Variants in PHC3 observed in about 807,000 individuals in gnomAD.
The protein encoded by PHC3 is polyhomeotic-like protein 3.
Under a neutral mutation model 107.4 loss-of-function variants are expected in PHC3, and 13 were observed. That is an observed-to-expected ratio of 0.12 (90% CI 0.08 to 0.19). The LOEUF (loss-of-function observed/expected upper bound fraction) is 0.19, where lower values mean the gene tolerates loss of function less well. PHC3 is among the 10% of genes least tolerant of loss of function. The pLI is 1.00. For synonymous variants in PHC3, 456 were observed against 427.4 expected (o/e 1.07, Z -0.83); for missense variants, 992 against 1,210.9 (o/e 0.82, Z 2.68).
At chr3:170,171,349 G>GA (rs762988811) in intron 4 of PHC3, 24 bp downstream of exon 4, 380 of 1,508,686 alleles carry the variant, frequency 2.5e-4, no homozygotes, top group Admixed American at 6.4e-4. Context: ...TTAAATCCAG[G>GA]AAAAAAAAAT....
chr3:170,167,349 G>T (rs1301342156), intron 4 of PHC3, among the ~76,000 whole-genome samples: 1 of 152,130 alleles, frequency 6.6e-6, no homozygotes, highest in Non-Finnish European at 1.5e-5. Context: ...GTAGAGATGG[G>T]GTTTCATTCG....
At chr3:170,119,965 A>G (rs139869379) in intron 9 of PHC3, among the ~76,000 whole-genome samples, 1 of 152,336 alleles carries the variant, frequency 6.6e-6, no homozygotes, top group Non-Finnish European at 1.5e-5. Flanking sequence ...TGTGCTTGTC[A>G]GGATCTCAGA....
rs1715683562 is a variant in PHC3, at chr3:170,102,576, C to T, written c.2736G>A (p.Arg912=). 1 of 1,613,906 alleles carries T rather than the reference C, an allele frequency of 6.2e-7. No individual in the cohort carries two copies. The highest frequency in any genetic ancestry group is 8.5e-7 in the Non-Finnish European group (1 of 1,179,834). ...RERELRDVRI[R]KMPENSDLLP... is the part of the protein sequence containing the mutation. ...GCAAGTCACTGTTCTCAGGCATTTT[C>T]CGAATTCTCACATCCCGAAGCTCAC... The change falls in exon 14 of 15, where the codon CGG becomes CGA. Residue 912 remains arginine (R), a synonymous_variant. Coordinates refer to ENST00000495893, the MANE Select transcript of PHC3 (RefSeq NM_024947.4).
rs1716632008 is a variant in PHC3 at position 170,106,852 on chromosome 3, G to A, written c.2448C>T (p.Cys816=). ...AATACCTTTTGGCACATGACATAGTGCAGAATCGTTTTGACCGCAAAAATT... is the reference window on the plus strand; with the variant it reads ...AATACCTTTTGGCACATGACATAGTACAGAATCGTTTTGACCGCAAAAATT... The part of the protein sequence containing the change: ...ANEFLRSKRF[C]TMSCAKRYNV... Residue 816 remains cysteine (C), a synonymous_variant, in exon 12 of 15, where the codon TGC becomes TGT. Coordinates refer to ENST00000495893, the MANE Select transcript of PHC3 (RefSeq NM_024947.4). The A allele has an allele frequency of 6.2e-6, 10 of 1,611,602 alleles. No homozygotes were observed. The highest frequency in any genetic ancestry group is 8.5e-6 in the Non-Finnish European group (10 of 1,179,036).
At chr3:170,153,577 C>A (rs1486778641) in intron 4 of PHC3, among the ~76,000 whole-genome samples, 3 of 152,062 alleles carry the variant, frequency 2.0e-5, no homozygotes, top group South Asian at 2.1e-4. Context: ...TCCTGGATAA[C>A]ACGGTGAAAC....
chr3:170,156,472 G>A (rs938264200), intron 4 of PHC3, among the ~76,000 whole-genome samples: 1 of 151,858 alleles, frequency 6.6e-6, no homozygotes, highest in Non-Finnish European at 1.5e-5. Flanking sequence ...GCCAGGTCTC[G>A]AACTCCTGAC....
At position 170,128,781 on chromosome 3, in the gene PHC3, T is replaced by G. The variant is rs752249840; in HGVS notation, c.1691A>C (p.Glu564Ala). 3 of 1,613,974 alleles carry G rather than the reference T, an allele frequency of 1.9e-6. No individual in the cohort carries two copies. The highest frequency in any genetic ancestry group is 2.5e-6 in the Non-Finnish European group (3 of 1,179,886). The change falls in exon 8 of 15, where the codon GAA (glutamate) becomes GCA (alanine). Residue 564 changes from glutamate (E) to alanine (A), a missense_variant. This residue lies in a region of PHC3 where 543 missense variants were observed against 590.8 expected (regional missense o/e 0.92). Coordinates refer to ENST00000495893, the MANE Select transcript of PHC3 (RefSeq NM_024947.4). ...CTGAAATGGCAACTGGACCAAAGCT[T>G]CTGCAGCTGGAAGTTCCTCTTCTGA... ...LVSEEELPAA[E>A]ALVQLPFQTL... is the part of the protein sequence containing the mutation.
intron 12 of PHC3, among the ~76,000 whole-genome samples, chr3:170,104,380 T>C (rs1273584774): frequency 6.6e-6 from 1 of 152,154 alleles, no homozygotes; most frequent in African/African-American, 2.4e-5. Context: ...TATGCAAAGC[T>C]AGGAAAAATA....
chr3:170,095,141 A>C lies in PHC3; in HGVS notation c.*2089T>G, dbSNP rs974281630. The stretch of plus-strand genomic sequence containing the variant: ...CCTGTATTTGTGTTCTGAAATTCCA[A>C]GAAGAGGGAAAAGTCAAGCATATGA... On this transcript the variant is annotated 3_prime_UTR_variant, in exon 15 of 15. Transcript: ENST00000495893. 4.6e-5 allele frequency: 7 copies of C among 152,128 alleles called. No homozygotes were observed. The highest frequency in any genetic ancestry group is 4.6e-4 in the Admixed American group (7 of 15,262). The allele number at this position is 152,128 out of a possible 1,614,324, so 9.4% of individuals were successfully genotyped here.
At chr3:170,128,414 A>G (rs1721699368) in intron 8 of PHC3, 1 of 1,335,002 alleles carries the variant, frequency 7.5e-7, no homozygotes, top group Non-Finnish European at 9.7e-7. Context: ...CAACTCTGTA[A>G]AGATAGCAGA....
At chr3:170,107,556 C>A (rs2108301000) in intron 11 of PHC3, among the ~76,000 whole-genome samples, 1 of 152,212 alleles carries the variant, frequency 6.6e-6, no homozygotes, top group East Asian at 1.9e-4. Flanking sequence ...CCAGTGTGGG[C>A]AGCATAGCAA....
intron 12 of PHC3, among the ~76,000 whole-genome samples, chr3:170,105,775 A>C (rs1003897442): frequency 4.6e-5 from 7 of 152,224 alleles, no homozygotes; most frequent in African/African-American, 1.7e-4. Context: ...CAATTTCAAA[A>C]TAGTGTGCAC....
At chr3:170,181,238 G>A (rs1238862458) in intron 1 of PHC3, among the ~76,000 whole-genome samples, 2 of 152,208 alleles carry the variant, frequency 1.3e-5, no homozygotes, top group South Asian at 2.1e-4. Context: ...TCCCGCTGAG[G>A]AGGAGTGGGG....
intron 2 of PHC3, among the ~76,000 whole-genome samples, chr3:170,176,024 G>C (rs971387994): frequency 3.3e-5 from 5 of 151,482 alleles, no homozygotes; most frequent in African/African-American, 1.2e-4. Flanking sequence ...TCAGGAGTTT[G>C]AGACCGGCCT....
At chr3:170,164,576 TTA>T (rs1434564428) in intron 4 of PHC3, among the ~76,000 whole-genome samples, 5 of 152,088 alleles carry the variant, frequency 3.3e-5, no homozygotes, top group Non-Finnish European at 7.3e-5. Flanking sequence ...CTAAAAACTC[TTA>T]TGTTACATAT....
chr3:170,122,329 T>C (rs1246759821), intron 9 of PHC3, among the ~76,000 whole-genome samples: 1 of 151,794 alleles, frequency 6.6e-6, no homozygotes, highest in Non-Finnish European at 1.5e-5. Flanking sequence ...ACAGGCTGGG[T>C]GCAATGGCTC....
chr3:170,158,645 G>A (rs1417844583), intron 4 of PHC3, among the ~76,000 whole-genome samples: 2 of 151,530 alleles, frequency 1.3e-5, no homozygotes, highest in African/African-American at 4.8e-5. Context: ...AAACCTGATA[G>A]GCCAGGCACA....
At position 170,129,123 on chromosome 3, in the gene PHC3, T is replaced by G. The variant is rs1482167734; in HGVS notation, c.1349A>C (p.Gln450Pro). Reference sequence around the variant, plus strand: ...AGCTTGCACCTGATTAGCAGTGGACTGCTGCAAATTTGGCCCTGGCTGGAG... The same window carrying G: ...AGCTTGCACCTGATTAGCAGTGGACGGCTGCAAATTTGGCCCTGGCTGGAG... ...SALQPGPNLQ[Q>P]STANQVQATA... The change falls in exon 8 of 15, where the codon CAG becomes CCG. Residue 450 changes from glutamine (Q) to proline (P), a missense_variant. This residue lies in a region of PHC3 where 543 missense variants were observed against 590.8 expected (regional missense o/e 0.92). Coordinates refer to ENST00000495893, the MANE Select transcript of PHC3 (RefSeq NM_024947.4). The G allele has an allele frequency of 2.5e-6, 4 of 1,613,602 alleles. No homozygotes were observed. The African/African-American group carries it at 5.3e-5, about 21-fold the overall frequency.
intron 1 of PHC3, among the ~76,000 whole-genome samples, chr3:170,180,564 G>T (rs79280679): frequency 2.2e-5 from 3 of 138,872 alleles, no homozygotes; most frequent in Admixed American, 7.2e-5. Flanking sequence ...TTATGCTTCT[G>T]TTTTTTTTTT....
Sources: gnomAD v4.1 joint callset for allele counts (sites outside exome capture counted in the v4.1 genomes callset) on GRCh38, gnomAD v4.1.1 for gene constraint, gnomAD v4.1.1 regional missense constraint, MANE v1.5 for transcripts, NCBI Gene and HGNC (gene_info 2026-07-23, HGNC 2026-07-21) for gene names.